The following PICK1 variants were observed in gnomAD, a reference collection of about 807,000 sequenced individuals.
PICK1 encodes PRKCA-binding protein.
PICK1 carries 23 observed loss-of-function variants against 48.9 expected under a neutral mutation model. The ratio of observed to expected loss-of-function variants is 0.47; its 90% CI spans 0.34 to 0.67. PICK1 has a LOEUF of 0.67. Among genes scored for constraint, PICK1 ranks in the 30% least tolerant of loss-of-function variants. The pLI is 0.01. For missense variants in PICK1, 423 were observed against 557.1 expected (o/e 0.76, Z 2.42); for synonymous variants, 217 against 228.2 (o/e 0.95, Z 0.44).
In PICK1 at chr22:38,075,167, G is replaced by A. The variant is rs765724029; in HGVS notation, c.*35G>A. On this transcript the variant is annotated 3_prime_UTR_variant, in exon 13 of 13. Coordinates refer to ENST00000356976, the MANE Select transcript of PICK1 (RefSeq NM_012407.4). ...GGCTGTGGTGCCGGGGGCAGGGTGC[G>A]TGGGAGGACGGAGCCTGGGAGCGGG... The A allele has an allele frequency of 7.5e-6, 12 of 1,589,592 alleles. No individual in the cohort carries two copies. The highest frequency in any genetic ancestry group is 4.1e-4 in the Middle Eastern group (2 of 4,874).
At chr22:38,059,180 C>T (rs575385874) in intron 2 of PICK1, 54 bp from the exon 3 acceptor site, 178 of 1,357,444 alleles carry the variant, frequency 1.3e-4, no homozygotes, top group Admixed American at 4.1e-4. Flanking sequence ...AGGGCCCACC[C>T]GCTCCAGTCA....
rs2085761683 is a variant in PICK1, at chr22:38,073,841, T to TG, written c.834+24dup. The TG allele has an allele frequency of 1.9e-6, 3 of 1,560,024 alleles. No individual in the cohort carries two copies. Among genetic ancestry groups the TG allele is most frequent in the Non-Finnish European group, 8.8e-7 (1 of 1,137,158 alleles). On this transcript the variant is annotated intron_variant, in intron 11 of 12. Transcript: ENST00000356976. This position sits in a 1 kb window ranked among gnomAD's most constrained non-coding sequence, Gnocchi z 5.7. ...GCTGCATTGTGAGTGTTGGAGGGGG[T>TG]GGGGGGCTTGTACTTCCCCCCACCT...
intron 8 of PICK1, 107 bp downstream of exon 8, chr22:38,071,851 C>G: frequency 3.2e-6 from 3 of 945,320 alleles, no homozygotes; most frequent in Non-Finnish European, 5.2e-6. Flanking sequence ...CAGGCTCCCT[C>G]TGGGCTGGGC....
chr22:38,072,990 C>G lies in PICK1; in HGVS notation c.691-10C>G, dbSNP rs1324608223. ...CGTGACAGCCTCAGCATCCACCCACCCTCTTCCAGATGCTGACGGATCTGA... is the reference window on the plus strand; with the variant it reads ...CGTGACAGCCTCAGCATCCACCCACGCTCTTCCAGATGCTGACGGATCTGA... On this transcript the variant is annotated splice_polypyrimidine_tract_variant and intron_variant, in intron 9 of 12. Coordinates refer to ENST00000356976, the MANE Select transcript of PICK1 (RefSeq NM_012407.4). 7 of 1,597,038 alleles carry G rather than the reference C, an allele frequency of 4.4e-6. No homozygotes were observed. The highest frequency in any genetic ancestry group is 1.7e-5 in the Admixed American group (1 of 59,996).
chr22:38,059,351 G>C lies in PICK1; in HGVS notation c.153+6G>C. ...CCTGCCTCTATATCGTCCAGGTATT[G>C]GGCGCTTTGGAGGGGGGCACAAGGT... On this transcript the variant is annotated splice_donor_region_variant and intron_variant, in intron 3 of 12. Coordinates refer to ENST00000356976, the MANE Select transcript of PICK1 (RefSeq NM_012407.4). 2 of 1,542,034 alleles carry C rather than the reference G, an allele frequency of 1.3e-6. No homozygotes were observed. The highest frequency in any genetic ancestry group is 2.4e-5 in the South Asian group (2 of 83,956).
At chr22:38,069,190 C>CA in intron 6 of PICK1, 68 bp downstream of exon 6, 1 of 1,138,502 alleles carries the variant, frequency 8.8e-7, no homozygotes, top group Admixed American at 2.0e-5. Context: ...TGGGGGGCAC[C>CA]ATGGCTGCCC....
intron 6 of PICK1, among the ~76,000 whole-genome samples, chr22:38,070,309 T>C (rs1490304937): frequency 6.6e-6 from 1 of 152,238 alleles, no homozygotes; most frequent in Non-Finnish European, 1.5e-5. Context: ...CTTTCAGCCT[T>C]GAGAGCAAGA....
At position 38,072,464 on chromosome 22, in the gene PICK1, A is replaced by G. The variant is rs2085721514; in HGVS notation, c.557-13A>G. The G allele has an allele frequency of 1.9e-6, 3 of 1,611,512 alleles. No homozygotes were observed. The highest frequency in any genetic ancestry group is 2.5e-6 in the Non-Finnish European group (3 of 1,179,494). ...CAAGTAGGGGCAGCCTTCAAGGCAA[A>G]CTTGTCCTGCAGCCTTTGGGGACGT... On this transcript the variant is annotated splice_polypyrimidine_tract_variant and intron_variant, in intron 8 of 12. Coordinates refer to ENST00000356976, the MANE Select transcript of PICK1 (RefSeq NM_012407.4).
intron 4 of PICK1, among the ~76,000 whole-genome samples, chr22:38,067,134 C>A (rs3026688): frequency 0.23 from 35,456 of 151,802 alleles, 4,567 homozygotes; most frequent in Non-Finnish European, 0.28. Flanking sequence ...CTGACCTGGC[C>A]GAAGCACAAG....
In PICK1 at chr22:38,057,607, C is replaced by G; in HGVS notation, c.-58+20C>G. 6.6e-6 allele frequency: 4 copies of G among 603,316 alleles called. No individual in the cohort carries two copies. In the South Asian group the frequency reaches 7.6e-5, roughly 11 times the overall value. 37.4% of individuals were successfully genotyped at this position (603,316 alleles called of 1,614,324 possible). ...TACCTAGTAAGAATCACCTACCCAG[C>G]CCCCCACCCGGAGACTGTCCCATCC... On this transcript the variant is annotated intron_variant, in intron 1 of 12. Coordinates refer to ENST00000356976, the MANE Select transcript of PICK1 (RefSeq NM_012407.4).
At chr22:38,069,187 C>T in intron 6 of PICK1, 65 bp downstream of exon 6, 6 of 1,187,552 alleles carry the variant, frequency 5.1e-6, no homozygotes, top group Non-Finnish European at 7.4e-6. Context: ...GAGTGGGGGG[C>T]ACCATGGCTG....
intron 5 of PICK1, chr22:38,068,071 G>T (rs2085575525): frequency 1.9e-6 from 1 of 533,618 alleles, no homozygotes; most frequent in African/African-American, 1.9e-5. Flanking sequence ...GTCCTTTGCA[G>T]GCCAGCGCCT....
chr22:38,071,945 G>C, intron 8 of PICK1: 1 of 630,046 alleles, frequency 1.6e-6, no homozygotes, highest in Non-Finnish European at 2.9e-6. Flanking sequence ...ACGATGAACA[G>C]GCCCCACCCT....
At chr22:38,071,262 T>G (rs1311966369) in intron 7 of PICK1, among the ~76,000 whole-genome samples, 2 of 152,104 alleles carry the variant, frequency 1.3e-5, no homozygotes, top group African/African-American at 4.8e-5. Flanking sequence ...GAGAATCGCT[T>G]GAACCAGGGA....
At chr22:38,072,778 A>G (rs1164414061) in intron 9 of PICK1, among the ~76,000 whole-genome samples, 168 bp downstream of exon 9, 2 of 151,978 alleles carry the variant, frequency 1.3e-5, no homozygotes, top group African/African-American at 4.8e-5. Flanking sequence ...GGGCCTTGCC[A>G]TTGACCTCTG....
In PICK1 at chr22:38,074,406, C is replaced by T; in HGVS notation, c.934C>T (p.Arg312Cys). ...GGCGCGCGCCCGCTTCTCCCAGATG[C>T]GCAAGGATGTGCTGGAGAAGATGGA... The part of the protein sequence containing the change: ...QEARARFSQM[R>C]KDVLEKMELL... Residue 312 changes from arginine to cysteine, a missense_variant, in exon 12 of 13, where the codon CGC (arginine) becomes TGC (cysteine). Transcript: ENST00000356976. The surrounding 1 kb of genome is among the most constrained non-coding windows in gnomAD (Gnocchi z 4.5). The T allele has an allele frequency of 1.9e-6, 3 of 1,613,154 alleles. No individual in the cohort carries two copies. The highest frequency in any genetic ancestry group is 2.5e-6 in the Non-Finnish European group (3 of 1,179,966).
chr22:38,060,255 G>T (rs921961219), intron 3 of PICK1, among the ~76,000 whole-genome samples: 1 of 152,180 alleles, frequency 6.6e-6, no homozygotes, highest in Non-Finnish European at 1.5e-5. Flanking sequence ...AGCAGTAGCT[G>T]CTGCTATTTT....
At chr22:38,068,814 C>T (rs1400458732) in intron 5 of PICK1, among the ~76,000 whole-genome samples, 1 of 152,198 alleles carries the variant, frequency 6.6e-6, no homozygotes, top group Non-Finnish European at 1.5e-5. Flanking sequence ...CTGGGCGAAG[C>T]GCTTCATGTT....
chr22:38,064,858 C>A, intron 3 of PICK1, 144 bp from the exon 4 acceptor site: 1 of 923,688 alleles, frequency 1.1e-6, no homozygotes, highest in Non-Finnish European at 1.8e-6. Flanking sequence ...CCACTGCACT[C>A]CAGCCCGGGT....
Sources: allele counts gnomAD v4.1 joint callset (sites outside exome capture counted in the v4.1 genomes callset), GRCh38; gene constraint gnomAD v4.1.1; non-coding constraint Gnocchi (gnomAD v3.1); transcripts MANE v1.5; gene names NCBI Gene and HGNC (gene_info 2026-07-23, HGNC 2026-07-21).